The following DLG2 variants were observed in gnomAD, a reference collection of about 807,000 sequenced individuals.
DLG2 encodes the protein discs large MAGUK scaffold protein 2.
Under a neutral mutation model 132.5 loss-of-function variants are expected in DLG2, and 45 were observed. That is an observed-to-expected ratio of 0.34 (90% CI 0.27 to 0.44). The LOEUF is 0.44. DLG2 is among the 20% of genes least tolerant of loss of function. The pLI, the probability that DLG2 is intolerant of heterozygous loss-of-function variation, is 1.00. For synonymous variants in DLG2, 424 were observed against 419.6 expected (o/e 1.01, Z -0.13); for missense variants, 1,045 against 1,196.9 (o/e 0.87, Z 1.87).
chr11:83,883,468 A>C (rs1399045529), intron 15 of DLG2, among the ~76,000 whole-genome samples: 1 of 152,192 alleles, frequency 6.6e-6, no homozygotes, highest in Non-Finnish European at 1.5e-5. Flanking sequence ...ACTAAGTGAA[A>C]AATCTAAAAA....
At chr11:84,371,696 A>G (rs1323117514) in intron 7 of DLG2, among the ~76,000 whole-genome samples, 2 of 152,192 alleles carry the variant, frequency 1.3e-5, no homozygotes, top group Admixed American at 6.5e-5. Flanking sequence ...CATTATTCCT[A>G]TACTTCTCAT....
chr11:85,318,417 T>G (rs971737084), intron 3 of DLG2, among the ~76,000 whole-genome samples: 2 of 151,792 alleles, frequency 1.3e-5, no homozygotes, highest in African/African-American at 4.8e-5. Flanking sequence ...ATGATATAAA[T>G]AGTTGACAAC....
At chr11:85,161,346 A>G (rs2078014226) in intron 4 of DLG2, among the ~76,000 whole-genome samples, 1 of 152,182 alleles carries the variant, frequency 6.6e-6, no homozygotes, top group Non-Finnish European at 1.5e-5. Context: ...CCACTCACCA[A>G]GGCTGAGCTG....
chr11:84,300,177 C>T (rs2098136289), intron 7 of DLG2, among the ~76,000 whole-genome samples: 1 of 152,100 alleles, frequency 6.6e-6, no homozygotes, highest in African/African-American at 2.4e-5. Flanking sequence ...TTTCCCTTTC[C>T]CATCTGATCA....
intron 18 of DLG2, among the ~76,000 whole-genome samples, chr11:83,741,034 A>G (rs753363832): frequency 2.0e-5 from 3 of 152,208 alleles, no homozygotes; most frequent in Admixed American, 6.6e-5. Flanking sequence ...ACATAAACAG[A>G]ATCAAAAGCA....
rs2066859433 is a variant in DLG2 at position 84,756,229 on chromosome 11, T to C, written c.358-221498A>G. On this transcript the variant is annotated intron_variant, in intron 6 of 27. Transcript: ENST00000376104. ...GTTTTCTAGACTCTGTGGAAGGCTTTGTTATAGCAGCGTAGGAGAAAGAAG... is the reference window on the plus strand; with the variant it reads ...GTTTTCTAGACTCTGTGGAAGGCTTCGTTATAGCAGCGTAGGAGAAAGAAG... Among the ~76,000 whole-genome samples, 4 of 152,370 alleles carry C rather than the reference T, an allele frequency of 2.6e-5. No homozygotes were observed. The South Asian group carries it at 8.3e-4, about 32-fold the overall frequency.
intron 7 of DLG2, among the ~76,000 whole-genome samples, chr11:84,402,605 T>A (rs1416712213): frequency 6.7e-6 from 1 of 149,848 alleles, no homozygotes; most frequent in Non-Finnish European, 1.5e-5. Flanking sequence ...CTCGGCCAGG[T>A]GCGGGGCTCA....
intron 6 of DLG2, among the ~76,000 whole-genome samples, chr11:84,973,863 T>C (rs77664592): frequency 8.7e-4 from 133 of 152,330 alleles, no homozygotes; most frequent in Admixed American, 2.0e-3. Flanking sequence ...TTGAATTATG[T>C]ATAATTTTCA....
chr11:83,986,663 T>G (rs2154179155), intron 11 of DLG2, among the ~76,000 whole-genome samples: 1 of 152,148 alleles, frequency 6.6e-6, no homozygotes, highest in South Asian at 2.1e-4. Flanking sequence ...TGAACTAGTT[T>G]ACACTCCCAC....
intron 3 of DLG2, among the ~76,000 whole-genome samples, chr11:85,432,561 T>C (rs568242691): frequency 1.7e-4 from 26 of 151,518 alleles, no homozygotes; most frequent in Non-Finnish European, 3.5e-4. Flanking sequence ...AGTAGCCAAA[T>C]TGATCAAGCA....
chr11:83,778,289 C>A (rs2153852611), intron 18 of DLG2, among the ~76,000 whole-genome samples: 1 of 152,136 alleles, frequency 6.6e-6, no homozygotes, highest in South Asian at 2.1e-4. Flanking sequence ...AGTATTAGAA[C>A]CCTTTATTTC....
At chr11:85,545,205 T>C (rs1189611667) in intron 3 of DLG2, among the ~76,000 whole-genome samples, 2 of 152,218 alleles carry the variant, frequency 1.3e-5, no homozygotes, top group Non-Finnish European at 2.9e-5. Flanking sequence ...TGAAGGGCTG[T>C]TGAATTTTGT....
In DLG2 at chr11:84,507,111, ATCAAGTTTCTATATACTCAT is replaced by A. The variant is rs2099243565; in HGVS notation, c.519+27439_519+27458del. Among the ~76,000 whole-genome samples, 5 of 152,342 alleles carry A rather than the reference ATCAAGTTTCTATATACTCAT, an allele frequency of 3.3e-5. No individual in the cohort carries two copies. In the South Asian group the frequency reaches 1.0e-3, roughly 32 times the overall value. ...TCTCACTGCAGATTAATTAGTTGGC[ATCAAGTTTCTATATACTCAT>A]TCACTCATATCGTCAATGAATATTC... On this transcript the variant is annotated intron_variant, in intron 7 of 27. Transcript: ENST00000376104.
At chr11:84,033,085 T>C (rs2095753193) in intron 11 of DLG2, among the ~76,000 whole-genome samples, 1 of 152,204 alleles carries the variant, frequency 6.6e-6, no homozygotes, top group Admixed American at 6.5e-5. Context: ...TCATGTCCAC[T>C]AACACGATAT....
intron 11 of DLG2, among the ~76,000 whole-genome samples, chr11:84,037,269 A>G (rs2095892447): frequency 6.6e-6 from 1 of 152,136 alleles, no homozygotes. Flanking sequence ...CTTTTGTTCT[A>G]ATGTCTCTCT....
intron 6 of DLG2, among the ~76,000 whole-genome samples, chr11:85,036,650 T>A (rs1443943362): frequency 6.6e-6 from 1 of 152,228 alleles, no homozygotes; most frequent in African/African-American, 2.4e-5. Flanking sequence ...GCATTTATTA[T>A]TCATTCATTC....
chr11:84,835,852 A>C (rs903782631), intron 6 of DLG2, among the ~76,000 whole-genome samples: 3 of 151,804 alleles, frequency 2.0e-5, no homozygotes, highest in African/African-American at 7.2e-5. Flanking sequence ...ACAGTGATCT[A>C]AATTGATGTC....
intron 11 of DLG2, among the ~76,000 whole-genome samples, chr11:84,022,166 A>T (rs576130911): frequency 1.8e-4 from 28 of 152,294 alleles, no homozygotes; most frequent in African/African-American, 6.0e-4. Flanking sequence ...CCCTTCTGTC[A>T]GATTCCAGGA....
chr11:84,887,933 AT>A (rs1448396043), intron 6 of DLG2, among the ~76,000 whole-genome samples: 1 of 152,122 alleles, frequency 6.6e-6, no homozygotes, highest in African/African-American at 2.4e-5. Flanking sequence ...CATTTAACTA[AT>A]TTAAAGCTCC....
Sources: allele counts gnomAD v4.1 joint callset (sites outside exome capture counted in the v4.1 genomes callset), GRCh38; gene constraint gnomAD v4.1.1; transcripts MANE v1.5; gene names NCBI Gene and HGNC (gene_info 2026-07-23, HGNC 2026-07-21).